The following TMTC2 variants were observed in gnomAD, a reference collection of about 807,000 sequenced individuals.
The protein encoded by TMTC2 is transmembrane O-mannosyltransferase targeting cadherins 2.
TMTC2 carries 43 observed loss-of-function variants against 82.4 expected under a neutral mutation model. The ratio of observed to expected loss-of-function variants is 0.52; its 90% CI spans 0.41 to 0.67. The LOEUF (loss-of-function observed/expected upper bound fraction) is 0.67. Among genes scored for constraint, TMTC2 ranks in the 30% least tolerant of loss-of-function variants. The probability of loss-of-function intolerance (pLI) is 0.00; values close to 1 mark genes in which losing one functional copy is unlikely to be tolerated. For synonymous variants in TMTC2, 408 were observed against 381.9 expected, an observed-to-expected ratio of 1.07 and a Z score of -0.80; for missense variants, 919 against 1,012.4, an observed-to-expected ratio of 0.91 and a Z score of 1.25.
intron 1 of TMTC2, among the ~76,000 whole-genome samples, chr12:82,775,530 C>G (rs1451662974): frequency 6.6e-6 from 1 of 151,972 alleles, no homozygotes; most frequent in Non-Finnish European, 1.5e-5. Flanking sequence ...AGAGAGGAAA[C>G]TATGTGAGAC....
intron 9 of TMTC2, among the ~76,000 whole-genome samples, chr12:83,034,901 G>C (rs1346735703): frequency 1.3e-5 from 2 of 152,206 alleles, no homozygotes; most frequent in Non-Finnish European, 2.9e-5. Flanking sequence ...TCTCGTATCA[G>C]TTCCTTGCCA....
chr12:82,735,480 G>A (rs1381020477), intron 1 of TMTC2, among the ~76,000 whole-genome samples: 1 of 151,740 alleles, frequency 6.6e-6, no homozygotes, highest in Non-Finnish European at 1.5e-5. Context: ...CAAGTAGCTG[G>A]GACTACAGGC....
At chr12:83,099,921 A>T (rs1417386999) in intron 11 of TMTC2, among the ~76,000 whole-genome samples, 1 of 149,036 alleles carries the variant, frequency 6.7e-6, no homozygotes. Flanking sequence ...AAGTTGTATA[A>T]TTTTTTTTTT....
At position 82,933,383 on chromosome 12, in the gene TMTC2, A is replaced by T. The variant is rs544870985; in HGVS notation, c.1598+2838A>T. 1.6e-4 allele frequency among the ~76,000 whole-genome samples: 24 copies of T among 152,282 alleles called. No homozygotes were observed. In the South Asian group the frequency reaches 5.0e-3, roughly 32 times the overall value. ...AGGAACATTTTTTCTACTTATTTGC[A>T]TAGGTAGAAAAAAGAAAAGTTTTCT... On this transcript the variant is annotated intron_variant, in intron 4 of 11. Transcript: ENST00000321196.
intron 1 of TMTC2, among the ~76,000 whole-genome samples, chr12:82,854,188 T>C (rs1871132986): frequency 6.6e-6 from 1 of 152,224 alleles, no homozygotes; most frequent in Non-Finnish European, 1.5e-5. Context: ...ATAGGTCTTC[T>C]TTTAATAAAG....
chr12:82,945,134 C>G (rs1375762512), intron 4 of TMTC2, among the ~76,000 whole-genome samples: 1 of 152,194 alleles, frequency 6.6e-6, no homozygotes, highest in Non-Finnish European at 1.5e-5. Flanking sequence ...AAGCCTTGCA[C>G]TCCCCACTCT....
intron 9 of TMTC2, among the ~76,000 whole-genome samples, chr12:83,033,805 CATATAT>C (rs143742923): frequency 2.8e-4 from 38 of 137,312 alleles, no homozygotes; most frequent in Middle Eastern, 3.8e-3. Flanking sequence ...TATATATACA[CATATAT>C]GTGTGTGTGT....
intron 1 of TMTC2, among the ~76,000 whole-genome samples, chr12:82,739,126 C>T (rs188941791): frequency 9.5e-4 from 133 of 139,668 alleles, no homozygotes; most frequent in African/African-American, 3.2e-3. Flanking sequence ...CTAGCCTGGG[C>T]GACAGAGTGA....
intron 1 of TMTC2, among the ~76,000 whole-genome samples, chr12:82,809,361 G>A (rs983462196): frequency 1.3e-5 from 2 of 151,922 alleles, no homozygotes; most frequent in African/African-American, 4.8e-5. Context: ...TTACAAATTG[G>A]AGTGAAATAT....
Position 82,814,382 on chromosome 12 carries a change from G to A in TMTC2, c.84-42628G>A, listed in dbSNP as rs894493111. On this transcript the variant is annotated intron_variant, in intron 1 of 11. Transcript: ENST00000321196. Reference sequence around the variant, plus strand: ...AAAGCTCCATGGGAGAATACTATTCGTGTAGTTTGGCTACATGGGGACAGA... The same window carrying A: ...AAAGCTCCATGGGAGAATACTATTCATGTAGTTTGGCTACATGGGGACAGA... Among the ~76,000 whole-genome samples the A allele has an allele frequency of 2.9e-4, 44 of 152,222 alleles. 1 individual carries two copies. Among genetic ancestry groups the A allele is most frequent in the Non-Finnish European group, 3.5e-4 (24 of 68,008 alleles).
At chr12:82,988,512 A>C (rs886076447) in intron 8 of TMTC2, among the ~76,000 whole-genome samples, 1 of 152,096 alleles carries the variant, frequency 6.6e-6, no homozygotes, top group Non-Finnish European at 1.5e-5. Context: ...GGCCCTTAAG[A>C]GGTAGAACAA....
chr12:82,701,290 G>T (rs1026249488), intron 1 of TMTC2, among the ~76,000 whole-genome samples: 3 of 152,130 alleles, frequency 2.0e-5, no homozygotes, highest in African/African-American at 7.2e-5. Flanking sequence ...TTGATAGCCC[G>T]AATCTCAGGA....
At chr12:82,865,042 G>A in intron 2 of TMTC2, among the ~76,000 whole-genome samples, 1 of 133,708 alleles carries the variant, frequency 7.5e-6, no homozygotes. Flanking sequence ...GTGAAATCCT[G>A]TCTCTACTAA....
chr12:82,727,979 G>A (rs1053386033), intron 1 of TMTC2, among the ~76,000 whole-genome samples: 1 of 152,084 alleles, frequency 6.6e-6, no homozygotes, highest in Non-Finnish European at 1.5e-5. Flanking sequence ...AGTTTCAAGA[G>A]GGTAAGTCAA....
At chr12:82,756,830 T>C (rs542626166) in intron 1 of TMTC2, among the ~76,000 whole-genome samples, 234 of 152,274 alleles carry the variant, frequency 1.5e-3, no homozygotes, top group Non-Finnish European at 2.1e-3. Flanking sequence ...ATTCCAAATA[T>C]CACACAGCTA....
intron 4 of TMTC2, among the ~76,000 whole-genome samples, chr12:82,961,989 T>A (rs1040497419): frequency 6.6e-6 from 1 of 152,072 alleles, no homozygotes; most frequent in Non-Finnish European, 1.5e-5. Context: ...TAGAGGACGA[T>A]GATATTCTAA....
At chr12:82,888,188 G>A (rs1873201930) in intron 2 of TMTC2, among the ~76,000 whole-genome samples, 1 of 152,200 alleles carries the variant, frequency 6.6e-6, no homozygotes, top group Non-Finnish European at 1.5e-5. Flanking sequence ...AAGAAACCCT[G>A]TCCATACTGG....
In TMTC2 at chr12:82,687,407, G is replaced by A; in HGVS notation, c.-180G>A. The A allele has an allele frequency of 1.6e-6, 1 of 621,214 alleles. No individual in the cohort carries two copies. Among genetic ancestry groups the A allele is most frequent in the Non-Finnish European group, 2.8e-6 (1 of 353,194 alleles). 38.5% of individuals were successfully genotyped at this position (621,214 alleles called of 1,614,324 possible). On this transcript the variant is annotated 5_prime_UTR_variant, in exon 1 of 12. Transcript: ENST00000321196. ...GAGGACGCAGGAGCTGCGGAGACGG[G>A]CGCGAGGAGGAGGAGAGGAGTCGTG...
chr12:82,782,702 T>A (rs557109388), intron 1 of TMTC2, among the ~76,000 whole-genome samples: 1 of 152,278 alleles, frequency 6.6e-6, no homozygotes, highest in East Asian at 1.9e-4. Context: ...ATAATGAAAA[T>A]AAATCTCTGT....
Sources: gnomAD v4.1 joint callset for allele counts (sites outside exome capture counted in the v4.1 genomes callset) on GRCh38, gnomAD v4.1.1 for gene constraint, MANE v1.5 for transcripts, NCBI Gene and HGNC (gene_info 2026-07-23, HGNC 2026-07-21) for gene names.